The following GRIP1 variants were observed in gnomAD, a reference collection of about 807,000 sequenced individuals.
The protein encoded by GRIP1 is glutamate receptor interacting protein 1.
A neutral mutation model predicts 129.9 loss-of-function variants in GRIP1; 45 were observed. The ratio of observed to expected loss-of-function variants is 0.35; its 90% CI spans 0.27 to 0.44. GRIP1 has a LOEUF of 0.44. Ranked by LOEUF, GRIP1 falls within the 20% of genes least tolerant of loss-of-function variation. The pLI, the probability that GRIP1 is intolerant of heterozygous loss-of-function variation, is 1.00. For missense variants in GRIP1, 1,196 were observed against 1,396.8 expected (o/e 0.86, Z 2.29); for synonymous variants, 530 against 520.8 (o/e 1.02, Z -0.24).
intron 1 of GRIP1, among the ~76,000 whole-genome samples, chr12:66,845,111 T>C (rs551118895): frequency 3.9e-5 from 6 of 152,328 alleles, no homozygotes; most frequent in African/African-American, 1.4e-4. Context: ...TTTCATGTTA[T>C]GTATTTTACA....
intron 1 of GRIP1, among the ~76,000 whole-genome samples, chr12:66,835,527 T>A (rs1438784674): frequency 6.6e-6 from 1 of 152,078 alleles, no homozygotes; most frequent in Non-Finnish European, 1.5e-5. Flanking sequence ...GGTGACGGGA[T>A]AAATAAACTG....
At chr12:66,974,666 G>A (rs2042126079) in intron 1 of GRIP1, among the ~76,000 whole-genome samples, 1 of 152,150 alleles carries the variant, frequency 6.6e-6, no homozygotes, top group South Asian at 2.1e-4. Flanking sequence ...GAAGTTCTTA[G>A]CAAGGTGTCT....
chr12:66,793,755 T>C (rs769073028), intron 1 of GRIP1, among the ~76,000 whole-genome samples: 2 of 152,232 alleles, frequency 1.3e-5, no homozygotes, highest in Non-Finnish European at 2.9e-5. Flanking sequence ...GGAGCTGGGA[T>C]ATTCCTGCCA....
At chr12:66,558,838 T>C (rs956839971) in intron 2 of GRIP1, among the ~76,000 whole-genome samples, 3 of 151,976 alleles carry the variant, frequency 2.0e-5, no homozygotes, top group Non-Finnish European at 2.9e-5. Context: ...ACAAGGCCAG[T>C]ATTACCCTGA....
At chr12:66,561,320 TAA>T (rs1274085694) in intron 2 of GRIP1, among the ~76,000 whole-genome samples, 1 of 152,120 alleles carries the variant, frequency 6.6e-6, no homozygotes, top group Non-Finnish European at 1.5e-5. Context: ...TTAAAATAAC[TAA>T]AAGAGTATAA....
intron 7 of GRIP1, among the ~76,000 whole-genome samples, chr12:66,506,161 C>A (rs1425653743): frequency 6.6e-6 from 1 of 152,120 alleles, no homozygotes; most frequent in African/African-American, 2.4e-5. Context: ...TGACATGTAA[C>A]CTAAGGCCTA....
chr12:66,564,903 C>T (rs1239757167), intron 2 of GRIP1, among the ~76,000 whole-genome samples: 1 of 152,194 alleles, frequency 6.6e-6, no homozygotes, highest in Non-Finnish European at 1.5e-5. Context: ...TTTCATGTGC[C>T]TGTTGGCTAC....
intron 1 of GRIP1, among the ~76,000 whole-genome samples, chr12:66,728,755 T>A (rs1444077103): frequency 6.6e-6 from 1 of 152,172 alleles, no homozygotes; most frequent in African/African-American, 2.4e-5. Flanking sequence ...CACAGCCTGC[T>A]CTAAGTCATT....
rs111634048 is a variant in GRIP1 at position 66,924,004 on chromosome 12, C to T, written c.58+145046G>A. Among the ~76,000 whole-genome samples the T allele has an allele frequency of 9.3e-3, 1,416 of 152,122 alleles. 23 individuals carry two copies. The highest frequency in any genetic ancestry group is 0.032 in the African/African-American group (1,337 of 41,486). ...GGATTACATGTATGTGCCACCACAC[C>T]CAGCTGATTTTTATATTTTTAGTAG... On this transcript the variant is annotated intron_variant, in intron 1 of 1. Transcript: ENST00000643019.
chr12:66,645,908 A>G (rs983365929), intron 1 of GRIP1, among the ~76,000 whole-genome samples: 3 of 152,180 alleles, frequency 2.0e-5, no homozygotes, highest in Admixed American at 2.0e-4. Flanking sequence ...CATCAATGTA[A>G]GCGTCTAGGG....
chr12:66,870,219 G>C (rs986037752), intron 1 of GRIP1, among the ~76,000 whole-genome samples: 2 of 151,996 alleles, frequency 1.3e-5, no homozygotes, highest in Non-Finnish European at 2.9e-5. Flanking sequence ...TGAGACAGTT[G>C]GGGCAAATAT....
chr12:67,027,066 G>A (rs1227776942), intron 1 of GRIP1, among the ~76,000 whole-genome samples: 1 of 152,138 alleles, frequency 6.6e-6, no homozygotes, highest in Non-Finnish European at 1.5e-5. Flanking sequence ...GGGAATACAG[G>A]CACACTCCAC....
intron 1 of GRIP1, among the ~76,000 whole-genome samples, chr12:66,783,777 T>C (rs1220379439): frequency 2.6e-5 from 4 of 152,152 alleles, no homozygotes; most frequent in Non-Finnish European, 5.9e-5. Flanking sequence ...CTATCTCAAG[T>C]ATTGAACTCA....
chr12:66,408,372 G>C (rs373056329), intron 15 of GRIP1, among the ~76,000 whole-genome samples: 1 of 152,230 alleles, frequency 6.6e-6, no homozygotes, highest in South Asian at 2.1e-4. Flanking sequence ...CCAGCTATTC[G>C]GGAGGCTGAG....
At chr12:66,726,792 T>C (rs1382797258) in intron 1 of GRIP1, among the ~76,000 whole-genome samples, 1 of 152,200 alleles carries the variant, frequency 6.6e-6, no homozygotes, top group Admixed American at 6.5e-5. Flanking sequence ...GCAGTAAAGT[T>C]AGCCACTATC....
chr12:66,649,110 C>A (rs1255975399), intron 1 of GRIP1, among the ~76,000 whole-genome samples: 1 of 152,160 alleles, frequency 6.6e-6, no homozygotes, highest in East Asian at 1.9e-4. Flanking sequence ...AAAAAAGAAT[C>A]TATATATTTC....
intron 9 of GRIP1, among the ~76,000 whole-genome samples, chr12:66,458,541 C>CCTATAGGT (rs2059036902): frequency 6.6e-6 from 1 of 152,138 alleles, no homozygotes; most frequent in Non-Finnish European, 1.5e-5. Flanking sequence ...CCCACCACCA[C>CCTATAGGT]GCCCAGCTAA....
chr12:66,631,347 T>G (rs2030758736), intron 1 of GRIP1, among the ~76,000 whole-genome samples: 1 of 152,214 alleles, frequency 6.6e-6, no homozygotes, highest in Admixed American at 6.5e-5. Flanking sequence ...TTCTTATTGA[T>G]TTTTGTTTCC....
intron 7 of GRIP1, among the ~76,000 whole-genome samples, chr12:66,509,600 T>C (rs1191759365): frequency 6.6e-6 from 1 of 152,066 alleles, no homozygotes; most frequent in East Asian, 1.9e-4. Context: ...ATATACACTA[T>C]AGAATATTAT....
Sources: gnomAD v4.1 joint callset for allele counts (sites outside exome capture counted in the v4.1 genomes callset) on GRCh38, gnomAD v4.1.1 for gene constraint, MANE v1.5 for transcripts, NCBI Gene and HGNC (gene_info 2026-07-23, HGNC 2026-07-21) for gene names.